Variants in SERPINI1 observed in about 807,000 individuals in gnomAD.
SERPINI1 encodes the protein neuroserpin.
Under a neutral mutation model 41.1 loss-of-function variants are expected in SERPINI1, and 19 were observed. That is an observed-to-expected ratio of 0.46 (90% confidence interval 0.32 to 0.68). SERPINI1 has a LOEUF of 0.68. Ranked by LOEUF, SERPINI1 falls within the 30% of genes least tolerant of loss-of-function variation. The pLI, the probability that SERPINI1 is intolerant of heterozygous loss-of-function variation, is 0.03. For synonymous variants in SERPINI1, 138 were observed against 156.6 expected (o/e 0.88, Z 0.89); for missense variants, 460 against 479.2 (o/e 0.96, Z 0.37).
chr3:167,820,543 G>A (rs928176776), intron 6 of SERPINI1, among the ~76,000 whole-genome samples: 1 of 152,200 alleles, frequency 6.6e-6, no homozygotes, highest in Admixed American at 6.5e-5. Flanking sequence ...TGAGCTGGCC[G>A]GGTGTGCACA....
chr3:167,777,643 C>A (rs1237519837), intron 1 of SERPINI1, among the ~76,000 whole-genome samples: 2 of 152,134 alleles, frequency 1.3e-5, no homozygotes, highest in Admixed American at 1.3e-4. Context: ...TTCACCCACC[C>A]TTCTCTCAAT....
At chr3:167,819,400 A>G (rs1712233919) in intron 6 of SERPINI1, among the ~76,000 whole-genome samples, 2 of 152,054 alleles carry the variant, frequency 1.3e-5, no homozygotes, top group African/African-American at 4.8e-5. Context: ...AAAAAACACT[A>G]CTCTTTTGGA....
intron 6 of SERPINI1, among the ~76,000 whole-genome samples, chr3:167,819,470 T>C (rs1712235865): frequency 6.6e-6 from 1 of 152,256 alleles, no homozygotes; most frequent in African/African-American, 2.4e-5. Flanking sequence ...TTTTTTATTT[T>C]TCTTCTAGTC....
chr3:167,792,902 T>C (rs1727578893), intron 4 of SERPINI1, 118 bp downstream of exon 4: 1 of 843,694 alleles, frequency 1.2e-6, no homozygotes, highest in Middle Eastern at 3.6e-4. Context: ...TACAATTCAA[T>C]TTTTTGGCTC....
At chr3:167,745,328 T>C (rs950654834) in intron 1 of SERPINI1, among the ~76,000 whole-genome samples, 5 of 151,980 alleles carry the variant, frequency 3.3e-5, no homozygotes, top group Non-Finnish European at 5.9e-5. Context: ...ATTATCTCAA[T>C]TGAAGAAGAA....
intron 6 of SERPINI1, among the ~76,000 whole-genome samples, chr3:167,815,022 T>G (rs1428571662): frequency 2.0e-5 from 3 of 152,232 alleles, no homozygotes; most frequent in Non-Finnish European, 4.4e-5. Context: ...CTCATCAGTG[T>G]AAGTCTCCTT....
chr3:167,781,634 C>CTTTTTTT (rs757785091), intron 1 of SERPINI1, among the ~76,000 whole-genome samples: 6 of 81,754 alleles, frequency 7.3e-5, no homozygotes, highest in Non-Finnish European at 1.2e-4. Flanking sequence ...TTCTTTTGGC[C>CTTTTTTT]TTTTTTTTTT....
chr3:167,766,530 A>G (rs1432295061), intron 1 of SERPINI1, among the ~76,000 whole-genome samples: 1 of 152,234 alleles, frequency 6.6e-6, no homozygotes, highest in East Asian at 1.9e-4. Flanking sequence ...GGGGACACAG[A>G]GCCAAACCAT....
At chr3:167,766,340 C>G (rs910045119) in intron 1 of SERPINI1, among the ~76,000 whole-genome samples, 1 of 151,902 alleles carries the variant, frequency 6.6e-6, no homozygotes, top group South Asian at 2.1e-4. Context: ...TGGCAGCAGG[C>G]AAAGAGAGAG....
intron 4 of SERPINI1, 25 bp downstream of exon 4, chr3:167,792,809 C>T (rs1292952637): frequency 6.4e-7 from 1 of 1,562,760 alleles, no homozygotes; most frequent in African/African-American, 1.4e-5. Flanking sequence ...GCTTTTATTT[C>T]TCTCTTCTTG....
chr3:167,779,075 T>C (rs13087249), intron 1 of SERPINI1, among the ~76,000 whole-genome samples: 1 of 152,126 alleles, frequency 6.6e-6, no homozygotes, highest in African/African-American at 2.4e-5. Flanking sequence ...TGGGCTATCA[T>C]TGATACCGTA....
At chr3:167,773,961 A>G (rs1331790032) in intron 1 of SERPINI1, among the ~76,000 whole-genome samples, 1 of 152,240 alleles carries the variant, frequency 6.6e-6, no homozygotes, top group Non-Finnish European at 1.5e-5. Context: ...TGATTAAGAA[A>G]GAGCCACTTA....
At chr3:167,754,660 C>CT (rs144944725) in intron 1 of SERPINI1, among the ~76,000 whole-genome samples, 2,097 of 152,294 alleles carry the variant, frequency 0.014, 45 homozygotes, top group African/African-American at 0.048. Flanking sequence ...AGAAAAACTT[C>CT]TGTTAGAGGT....
chr3:167,761,077 G>T (rs1726365109), intron 1 of SERPINI1, among the ~76,000 whole-genome samples: 1 of 152,112 alleles, frequency 6.6e-6, no homozygotes, highest in South Asian at 2.1e-4. Flanking sequence ...GCCTCATATG[G>T]TTTACTCACG....
chr3:167,805,041 A>AT (rs1277705254), intron 5 of SERPINI1, among the ~76,000 whole-genome samples: 2 of 152,038 alleles, frequency 1.3e-5, no homozygotes, highest in Admixed American at 1.3e-4. Context: ...ATAATGTTTT[A>AT]TTTTTTCAAA....
At chr3:167,781,665 A>C (rs1577414604) in intron 1 of SERPINI1, among the ~76,000 whole-genome samples, 1 of 119,936 alleles carries the variant, frequency 8.3e-6, no homozygotes, top group South Asian at 2.6e-4. Context: ...TTTTTACTGG[A>C]GAAAGGGCCT....
At chr3:167,814,091 C>T (rs56172342) in intron 6 of SERPINI1, among the ~76,000 whole-genome samples, 13,396 of 152,238 alleles carry the variant, frequency 0.088, 1,954 homozygotes, top group African/African-American at 0.31. Context: ...AGCTCCTCTT[C>T]GCTGCCCCAG....
At chr3:167,772,693 T>C (rs1361812497) in intron 1 of SERPINI1, among the ~76,000 whole-genome samples, 2 of 151,402 alleles carry the variant, frequency 1.3e-5, no homozygotes, top group East Asian at 3.9e-4. Flanking sequence ...GACACATACC[T>C]TGGAGTCATT....
Position 167,824,345 on chromosome 3 carries a change from C to CT in SERPINI1, c.1067-125dup, listed in dbSNP as rs535127635. The CT allele has an allele frequency of 7.6e-5, 51 of 674,158 alleles. No homozygotes were observed. In the East Asian group the frequency reaches 1.3e-3, roughly 17 times the overall value. The allele number at this position is 674,158 out of a possible 1,614,324, so 41.8% of individuals were successfully genotyped here. A position where few individuals can be genotyped will look rare whatever the true frequency, so the allele number is the denominator to read the frequency against. ...CTTTATAATTTTTCTCCAGTTAAGT[C>CT]TTTAAAATCTTGTTTCCTGTAAATT... On this transcript the variant is annotated intron_variant, in intron 7 of 8. Transcript: ENST00000446050.
Sources: allele counts gnomAD v4.1 joint callset (sites outside exome capture counted in the v4.1 genomes callset), GRCh38; gene constraint gnomAD v4.1.1; transcripts MANE v1.5; gene names NCBI Gene and HGNC (gene_info 2026-07-23, HGNC 2026-07-21).